Variants in ODAD3 observed in about 807,000 individuals in gnomAD.
ODAD3 encodes outer dynein arm docking complex subunit 3.
ODAD3 carries 57 observed loss-of-function variants against 70.9 expected under a neutral mutation model. The ratio of observed to expected loss-of-function variants is 0.80; its 90% CI spans 0.65 to 1.00. The LOEUF (loss-of-function observed/expected upper bound fraction) is 1.00, where lower values mean the gene tolerates loss of function less well. Ranked by LOEUF, ODAD3 falls within the 50% of genes least tolerant of loss-of-function variation. ODAD3 has a pLI of 0.00. For synonymous variants in ODAD3, 327 were observed against 315.9 expected, an observed-to-expected ratio of 1.04 and a Z score of -0.37; for missense variants, 797 against 763.9, an observed-to-expected ratio of 1.04 and a Z score of -0.51.
At chr19:11,425,372 T>TATGTGTGTATGTAC (rs1311029892) in intron 7 of ODAD3, among the ~76,000 whole-genome samples, 7 of 131,516 alleles carry the variant, frequency 5.3e-5, no homozygotes, top group Non-Finnish European at 7.6e-5. Context: ...CATATGTGTA[T>TATGTGTGTATGTAC]ATATGTGTGT....
rs973354329 is a variant in ODAD3 at position 11,429,954 on chromosome 19, C to T, written c.444+745G>A. Reference sequence around the variant, plus strand: ...CTAGGCTCATGCAATCCTCCAGCCTCAGCCTCCTGAATAGCTGGGATTACA... The same window carrying T: ...CTAGGCTCATGCAATCCTCCAGCCTTAGCCTCCTGAATAGCTGGGATTACA... On this transcript the variant is annotated intron_variant, in intron 3 of 12. Transcript: ENST00000356392. 2.0e-5 allele frequency among the ~76,000 whole-genome samples: 3 copies of T among 151,716 alleles called. No individual in the cohort carries two copies. The East Asian group carries it at 5.8e-4, about 29-fold the overall frequency.
At chr19:11,427,483 CTT>C (rs376645668) in intron 3 of ODAD3, among the ~76,000 whole-genome samples, 257 of 108,410 alleles carry the variant, frequency 2.4e-3, no homozygotes, top group Middle Eastern at 4.6e-3. Context: ...GTTTTCTTTT[CTT>C]TTTTTTTTTT....
chr19:11,431,337 C>T (rs1969499883), intron 1 of ODAD3: 1 of 297,592 alleles, frequency 3.4e-6, no homozygotes, highest in African/African-American at 2.2e-5. Context: ...TCTCGAACTC[C>T]TGACCTCAGG....
At position 11,422,398 on chromosome 19, in the gene ODAD3, G is replaced by A. The variant is rs995438100; in HGVS notation, c.1434+73C>T. The A allele has an allele frequency of 1.4e-6, 2 of 1,455,686 alleles. No individual in the cohort carries two copies. Among genetic ancestry groups the A allele is most frequent in the African/African-American group, 2.8e-5 (2 of 70,588 alleles). 90.2% of individuals were successfully genotyped at this position (1,455,686 alleles called of 1,614,324 possible). On this transcript the variant is annotated intron_variant, in intron 10 of 12. Transcript: ENST00000356392. This position sits in a 1 kb window ranked among gnomAD's most constrained non-coding sequence, Gnocchi z 4.6. ...TTCCCTCGGGCAAGCTGGTGTGGCA[G>A]GAACCCCGCTTCGTGGCTGCGCCTC...
At position 11,435,051 on chromosome 19, in the gene ODAD3, G is replaced by A. The variant is rs746607084; in HGVS notation, c.-35C>T. 6.4e-7 allele frequency: 1 copy of A among 1,571,494 alleles called. No individual in the cohort carries two copies. The highest frequency in any genetic ancestry group is 1.4e-5 in the African/African-American group (1 of 73,810). ...GGGGCTGAAGGCCCCTAGGGGTTAG[G>A]GGGATAACTAGGAGTCAGTCGCCCC... On this transcript the variant is annotated 5_prime_UTR_variant, in exon 1 of 13. Coordinates refer to ENST00000356392, the MANE Select transcript of ODAD3 (RefSeq NM_145045.5).
intron 1 of ODAD3, 179 bp downstream of exon 1, chr19:11,434,594 C>T: frequency 1.5e-6 from 1 of 654,366 alleles, no homozygotes; most frequent in African/African-American, 1.8e-5. Flanking sequence ...ACAGTTCAGT[C>T]GGTTCTGAAC....
At position 11,424,662 on chromosome 19, in the gene ODAD3, T is replaced by C. The variant is rs1346086279; in HGVS notation, c.964-633A>G. ...ATGTGTATATATACCTATGTGTATA[T>C]ATGTATATATGTGTATATATACCTA... On this transcript the variant is annotated intron_variant, in intron 7 of 12. Coordinates refer to ENST00000356392, the MANE Select transcript of ODAD3 (RefSeq NM_145045.5). 2.1e-4 allele frequency among the ~76,000 whole-genome samples: 19 copies of C among 92,314 alleles called. 1 individual carries two copies. Among genetic ancestry groups the C allele is most frequent in the African/African-American group, 1.2e-3 (18 of 14,710 alleles). 60.6% of individuals were successfully genotyped at this position (92,314 alleles called of 152,430 possible). A position where few individuals can be genotyped will look rare whatever the true frequency, so the allele number is the denominator to read the frequency against.
chr19:11,421,123 C>G lies in ODAD3; in HGVS notation c.1675+5G>C. ...GCACCCCTTCATCCCCCCACCCATACTGACCAAAAAACTTGTCCTTGGAAG... is the reference window on the plus strand; with the variant it reads ...GCACCCCTTCATCCCCCCACCCATAGTGACCAAAAAACTTGTCCTTGGAAG... On this transcript the variant is annotated splice_donor_5th_base_variant and intron_variant, in intron 12 of 12. Coordinates refer to ENST00000356392, the MANE Select transcript of ODAD3 (RefSeq NM_145045.5). 2 of 1,613,530 alleles carry G rather than the reference C, an allele frequency of 1.2e-6. No individual in the cohort carries two copies. The highest frequency in any genetic ancestry group is 1.7e-6 in the Non-Finnish European group (2 of 1,179,854).
At chr19:11,421,331 C>T in intron 11 of ODAD3, 119 bp from the exon 12 acceptor site, 1 of 897,752 alleles carries the variant, frequency 1.1e-6, no homozygotes, top group Non-Finnish European at 1.7e-6. Context: ...CTGGAGACCA[C>T]TGCCCACTCC....
At position 11,426,194 on chromosome 19, in the gene ODAD3, T is replaced by G. The variant is rs201624441; in HGVS notation, c.913A>C (p.Lys305Gln). The change falls in exon 7 of 13, where the codon AAG (lysine) becomes CAG (glutamine). Residue 305 changes from lysine to glutamine, a missense_variant. Physicochemically the swap from Lys to Gln is moderately conservative, Grantham distance 53. Transcript: ENST00000356392. ...AGTTTCTTCTCCTCGGCGCGCTTCT[T>G]GCACTCACTTATGTAGCGTTCCCGC... is the stretch of plus-strand genomic sequence containing the variant. The part of the protein sequence containing the change: ...KKRERYISEC[K>Q]KRAEEKKLEN... 6.2e-7 allele frequency: 1 copy of G among 1,613,702 alleles called. No homozygotes were observed. The highest frequency in any genetic ancestry group is 2.2e-5 in the East Asian group (1 of 44,860).
At position 11,422,305 on chromosome 19, in the gene ODAD3, G is replaced by A. The variant is rs1232165109; in HGVS notation, c.1434+166C>T. Among the ~76,000 whole-genome samples the A allele has an allele frequency of 2.0e-5, 3 of 151,980 alleles. No individual in the cohort carries two copies. The highest frequency in any genetic ancestry group is 7.2e-5 in the African/African-American group (3 of 41,380). On this transcript the variant is annotated intron_variant, in intron 10 of 12. Coordinates refer to ENST00000356392, the MANE Select transcript of ODAD3 (RefSeq NM_145045.5). The surrounding 1 kb of genome is among the most constrained non-coding windows in gnomAD (Gnocchi z 4.6). Reference sequence around the variant, plus strand: ...AGGGAGGTGGGGCGGGGACTCTGAGGAATGGGGTGGGGCTTCCCCTGTGGG... The same window carrying A: ...AGGGAGGTGGGGCGGGGACTCTGAGAAATGGGGTGGGGCTTCCCCTGTGGG...
chr19:11,430,539 G>T, intron 3 of ODAD3, 160 bp downstream of exon 3: 1 of 708,044 alleles, frequency 1.4e-6, no homozygotes, highest in Non-Finnish European at 2.5e-6. Flanking sequence ...ACCATGCCAG[G>T]ATGCCAGATA....
At position 11,420,779 on chromosome 19, in the gene ODAD3, G is replaced by C. The variant is rs993357545; in HGVS notation, c.*56C>G. On this transcript the variant is annotated 3_prime_UTR_variant, in exon 13 of 13. Transcript: ENST00000356392. ...AAGGGGCCCCGTGGGGCCTGCGCTAGACCCGGAGGGATCGGGGGCTCCGAA... is the reference window on the plus strand; with the variant it reads ...AAGGGGCCCCGTGGGGCCTGCGCTACACCCGGAGGGATCGGGGGCTCCGAA... 1 of 1,498,992 alleles carries C rather than the reference G, an allele frequency of 6.7e-7. No individual in the cohort carries two copies. The highest frequency in any genetic ancestry group is 2.3e-5 in the East Asian group (1 of 44,362). 92.9% of individuals were successfully genotyped at this position (1,498,992 alleles called of 1,614,324 possible).
In ODAD3 at chr19:11,424,024, G is replaced by C; in HGVS notation, c.969C>G (p.His323Gln). The stretch of plus-strand genomic sequence containing the variant: ...CGGACTGTAGCAGCAGGTGCTCGCG[G>C]TGGGTCTGCTCGTGGGTTGAGGTCA... ...LENERMERKT[H>Q]REHLLLQSDD... is the part of the protein sequence containing the mutation. Residue 323 changes from histidine (H) to glutamine (Q), a missense_variant, in exon 8 of 13, where the codon CAC (histidine) becomes CAG (glutamine). Physicochemically the swap from His to Gln is conservative, Grantham distance 24. Coordinates refer to ENST00000356392, the MANE Select transcript of ODAD3 (RefSeq NM_145045.5). 2 of 1,608,566 alleles carry C rather than the reference G, an allele frequency of 1.2e-6. No homozygotes were observed. The highest frequency in any genetic ancestry group is 1.7e-6 in the Non-Finnish European group (2 of 1,179,510).
In ODAD3 at chr19:11,422,701, C is replaced by T. The variant is rs1969168572; in HGVS notation, c.1277G>A (p.Ser426Asn). 2 of 1,612,240 alleles carry T rather than the reference C, an allele frequency of 1.2e-6. No individual in the cohort carries two copies. Among genetic ancestry groups the T allele is most frequent in the Non-Finnish European group, 1.7e-6 (2 of 1,179,802 alleles). Reference sequence around the variant, plus strand: ...CCTCCCCAGAGCCCCGGTGCCTCACCTCACCAGCGTGGCCTCCCCCGAGTA... The same window carrying T: ...CCTCCCCAGAGCCCCGGTGCCTCACTTCACCAGCGTGGCCTCCCCCGAGTA... Reference protein sequence around the residue: ...LKYSGEATLVSQQKLQAEAQE... With the variant: ...LKYSGEATLVNQQKLQAEAQE... The change falls in exon 9 of 13, where the codon AGC (serine) becomes AAC (asparagine). Residue 426 changes from serine to asparagine, a missense_variant and splice_region_variant. Transcript: ENST00000356392. The surrounding 1 kb of genome is among the most constrained non-coding windows in gnomAD (Gnocchi z 4.6).
rs1312840926 is a variant in ODAD3 at position 11,425,333 on chromosome 19, G to GTGTATA, written c.963+805_963+810dup. Among the ~76,000 whole-genome samples, 429 of 130,724 alleles carry GTGTATA rather than the reference G, an allele frequency of 3.3e-3. 19 individuals are homozygous for GTGTATA. Among genetic ancestry groups the GTGTATA allele is most frequent in the East Asian group, 6.7e-3 (30 of 4,508 alleles). 85.8% of individuals were successfully genotyped at this position (130,724 alleles called of 152,430 possible). A position where few individuals can be genotyped will look rare whatever the true frequency, so the allele number is the denominator to read the frequency against. ...TGTACATATGTGTATATGTACATATGTGTATATATGTATATATGTGTATAT... is the reference window on the plus strand; with the variant it reads ...TGTACATATGTGTATATGTACATATGTGTATATGTATATATGTATATATGTGTATAT... On this transcript the variant is annotated intron_variant, in intron 7 of 12. Transcript: ENST00000356392.
At chr19:11,425,065 A>G (rs1006880260) in intron 7 of ODAD3, among the ~76,000 whole-genome samples, 1 of 128,506 alleles carries the variant, frequency 7.8e-6, no homozygotes, top group Non-Finnish European at 1.5e-5. Context: ...GTATATGTGT[A>G]TATATGTATA....
In ODAD3 at chr19:11,435,036, G is replaced by A. The variant is rs1261548016; in HGVS notation, c.-20C>T. 4 of 1,596,796 alleles carry A rather than the reference G, an allele frequency of 2.5e-6. No homozygotes were observed. In the South Asian group the frequency reaches 3.3e-5, roughly 13 times the overall value. On this transcript the variant is annotated 5_prime_UTR_variant, in exon 1 of 13. Transcript: ENST00000356392. Reference sequence around the variant, plus strand: ...TGTCATGATGGGGTTGGGGCTGAAGGCCCCTAGGGGTTAGGGGGATAACTA... The same window carrying A: ...TGTCATGATGGGGTTGGGGCTGAAGACCCCTAGGGGTTAGGGGGATAACTA...
chr19:11,427,144 C>T, intron 3 of ODAD3, 104 bp from the exon 4 acceptor site: 1 of 1,296,186 alleles, frequency 7.7e-7, no homozygotes, highest in Non-Finnish European at 1.0e-6. Flanking sequence ...TCCAGGACTC[C>T]CCTCTCCCGT....
Sources: allele counts gnomAD v4.1 joint callset (sites outside exome capture counted in the v4.1 genomes callset), GRCh38; gene constraint gnomAD v4.1.1; non-coding constraint Gnocchi (gnomAD v3.1); transcripts MANE v1.5; gene names NCBI Gene and HGNC (gene_info 2026-07-23, HGNC 2026-07-21).